Variants in CHCHD6 observed in about 807,000 individuals in gnomAD.
CHCHD6 encodes MICOS complex subunit MIC25.
In CHCHD6, 28 loss-of-function variants were observed where a neutral mutation model predicts 32.3. The ratio of observed to expected loss-of-function variants is 0.87; its 90% CI spans 0.64 to 1.19. CHCHD6 has a LOEUF of 1.19. CHCHD6 is among the 50% of genes most tolerant of loss of function. CHCHD6 has a pLI of 0.00. For missense variants in CHCHD6, 333 were observed against 307.0 expected (o/e 1.08, Z -0.63); for synonymous variants, 122 against 117.5 (o/e 1.04, Z -0.25).
chr3:126,828,483 G>A (rs1459002570), intron 4 of CHCHD6, among the ~76,000 whole-genome samples: 1 of 152,176 alleles, frequency 6.6e-6, no homozygotes, highest in Non-Finnish European at 1.5e-5. Flanking sequence ...GGAGGCTCCC[G>A]GAACTGACGC....
chr3:126,892,588 C>G (rs2077778459), intron 5 of CHCHD6, among the ~76,000 whole-genome samples: 1 of 152,246 alleles, frequency 6.6e-6, no homozygotes, highest in Non-Finnish European at 1.5e-5. Context: ...AGGTCCATCC[C>G]TAGCCCACGT....
At chr3:126,884,249 C>T (rs537475641) in intron 5 of CHCHD6, among the ~76,000 whole-genome samples, 51 of 152,086 alleles carry the variant, frequency 3.4e-4, no homozygotes, top group African/African-American at 1.2e-3. Context: ...CCATCACAGG[C>T]GAATTCTCTT....
chr3:126,815,059 ATTG>A (rs1477899857), intron 4 of CHCHD6, among the ~76,000 whole-genome samples: 2 of 152,286 alleles, frequency 1.3e-5, no homozygotes, highest in African/African-American at 2.4e-5. Flanking sequence ...TTCTGTATTG[ATTG>A]TTGTGTGGTG....
chr3:126,800,488 C>A (rs1939011238), intron 4 of CHCHD6, among the ~76,000 whole-genome samples: 1 of 152,192 alleles, frequency 6.6e-6, no homozygotes, highest in Non-Finnish European at 1.5e-5. Context: ...TTGGAGGGAG[C>A]AGGCCCCTCT....
intron 4 of CHCHD6, among the ~76,000 whole-genome samples, chr3:126,791,157 T>C (rs903600021): frequency 2.6e-5 from 4 of 152,178 alleles, no homozygotes; most frequent in Non-Finnish European, 4.4e-5. Flanking sequence ...GAACAGCAAA[T>C]GTTGCTGTCT....
intron 4 of CHCHD6, among the ~76,000 whole-genome samples, chr3:126,749,648 C>G (rs985233909): frequency 6.6e-6 from 1 of 152,184 alleles, no homozygotes; most frequent in Non-Finnish European, 1.5e-5. Flanking sequence ...GCTCTGCCAG[C>G]CTCAGCAGCC....
At chr3:126,808,116 C>G (rs999513473) in intron 4 of CHCHD6, among the ~76,000 whole-genome samples, 2 of 152,328 alleles carry the variant, frequency 1.3e-5, no homozygotes, top group Admixed American at 1.3e-4. Context: ...CTACGATCAT[C>G]CGAAGGCTTG....
chr3:126,777,346 A>G (rs1392874158), intron 4 of CHCHD6, among the ~76,000 whole-genome samples: 1 of 152,166 alleles, frequency 6.6e-6, no homozygotes. Flanking sequence ...TTTTTCTTCT[A>G]CATTAGGCAA....
At chr3:126,736,905 A>T (rs371246320) in intron 4 of CHCHD6, among the ~76,000 whole-genome samples, 1 of 152,188 alleles carries the variant, frequency 6.6e-6, no homozygotes, top group African/African-American at 2.4e-5. Flanking sequence ...AATCAAATGG[A>T]TGGAGTAATC....
chr3:126,754,781 C>G (rs1035036694), intron 4 of CHCHD6, among the ~76,000 whole-genome samples: 1 of 152,180 alleles, frequency 6.6e-6, no homozygotes, highest in Non-Finnish European at 1.5e-5. Context: ...CACTTGCCAC[C>G]TTTTCTAGCA....
chr3:126,913,781 C>T (rs1196174688), intron 5 of CHCHD6, among the ~76,000 whole-genome samples: 2 of 152,222 alleles, frequency 1.3e-5, no homozygotes, highest in Non-Finnish European at 2.9e-5. Context: ...ATGTCAGTCT[C>T]CCCTCAGAAC....
At chr3:126,951,713 G>C (rs2078717805) in intron 6 of CHCHD6, among the ~76,000 whole-genome samples, 1 of 152,212 alleles carries the variant, frequency 6.6e-6, no homozygotes, top group East Asian at 1.9e-4. Flanking sequence ...CATCCAGCTG[G>C]GGATGGGCTG....
chr3:126,749,429 C>G (rs1936637465), intron 4 of CHCHD6, among the ~76,000 whole-genome samples: 1 of 152,172 alleles, frequency 6.6e-6, no homozygotes, highest in South Asian at 2.1e-4. Context: ...TTGAGAATGA[C>G]TCTTGGGTTT....
intron 4 of CHCHD6, 63 bp downstream of exon 4, chr3:126,733,285 C>T (rs1281591847): frequency 5.6e-5 from 84 of 1,503,182 alleles, no homozygotes; most frequent in East Asian, 4.8e-5. Context: ...AAATAGGGGG[C>T]GGGCCCTGGC....
At chr3:126,933,407 G>C (rs533161246) in intron 6 of CHCHD6, among the ~76,000 whole-genome samples, 1 of 152,254 alleles carries the variant, frequency 6.6e-6, no homozygotes, top group South Asian at 2.1e-4. Flanking sequence ...TGCTGTAAAG[G>C]AATACTTGAG....
Position 126,766,520 on chromosome 3 carries a change from G to A in CHCHD6, c.411+33298G>A, listed in dbSNP as rs1576389989. 21 of 802,754 alleles carry A rather than the reference G, an allele frequency of 2.6e-5. 2 individuals carry two copies. The South Asian group carries it at 2.7e-4, about 10-fold the overall frequency. The allele number at this position is 802,754 out of a possible 1,614,324, so 49.7% of individuals were successfully genotyped here. ...TTGTCTCTTGGTGTCACCAAAGAGT[G>A]TGAGTAGCCCATGGTGACCTCTGAG... On this transcript the variant is annotated intron_variant, in intron 4 of 7. Coordinates refer to ENST00000290913, the MANE Select transcript of CHCHD6 (RefSeq NM_032343.3).
At chr3:126,707,261 T>TAA (rs74269416) in intron 1 of CHCHD6, among the ~76,000 whole-genome samples, 36 of 135,404 alleles carry the variant, frequency 2.7e-4, no homozygotes, top group East Asian at 6.4e-4. Flanking sequence ...GACTCCGTCT[T>TAA]AAAAAAAAAA....
At chr3:126,952,780 G>C (rs937181362) in intron 6 of CHCHD6, among the ~76,000 whole-genome samples, 1 of 152,240 alleles carries the variant, frequency 6.6e-6, no homozygotes, top group Non-Finnish European at 1.5e-5. Context: ...GAGGTGGTCA[G>C]TGGGAGAGGC....
At chr3:126,791,095 C>T (rs928525810) in intron 4 of CHCHD6, among the ~76,000 whole-genome samples, 2 of 152,204 alleles carry the variant, frequency 1.3e-5, no homozygotes, top group Non-Finnish European at 2.9e-5. Context: ...CCACTCCAGA[C>T]CCTGTTTGCC....
Sources: allele counts gnomAD v4.1 joint callset (sites outside exome capture counted in the v4.1 genomes callset), GRCh38; gene constraint gnomAD v4.1.1; transcripts MANE v1.5; gene names NCBI Gene and HGNC (gene_info 2026-07-23, HGNC 2026-07-21).